Variants in UQCRC2 observed in about 807,000 individuals in gnomAD.
UQCRC2 encodes ubiquinol-cytochrome c reductase core protein 2.
In UQCRC2, 49 loss-of-function variants were observed where a neutral mutation model predicts 55.6. The ratio of observed to expected loss-of-function variants is 0.88; its 90% CI spans 0.70 to 1.12. The LOEUF (loss-of-function observed/expected upper bound fraction) is 1.12. Among genes scored for constraint, UQCRC2 ranks in the 50% most tolerant of loss-of-function variants. UQCRC2 has a pLI of 0.00. For synonymous variants in UQCRC2, 193 were observed against 192.0 expected (o/e 1.01, Z -0.04); for missense variants, 506 against 547.8 (o/e 0.92, Z 0.76).
intron 10 of UQCRC2, 27 bp from the exon 11 acceptor site, chr16:21,973,869 A>T: frequency 6.2e-7 from 1 of 1,605,450 alleles, no homozygotes; most frequent in Non-Finnish European, 8.5e-7. Context: ...GTAGAATATC[A>T]TACAGTAAAG....
At chr16:21,982,330 T>C (rs1898753117) in intron 13 of UQCRC2, among the ~76,000 whole-genome samples, 1 of 152,170 alleles carries the variant, frequency 6.6e-6, no homozygotes, top group Non-Finnish European at 1.5e-5. Flanking sequence ...AACTTGGAAG[T>C]AGTGGCATAA....
intron 8 of UQCRC2, among the ~76,000 whole-genome samples, chr16:21,968,989 G>C (rs998558634): frequency 1.3e-5 from 2 of 152,170 alleles, no homozygotes; most frequent in African/African-American, 4.8e-5. Flanking sequence ...CAGCTTACTA[G>C]AAAAACAGGC....
At chr16:21,982,126 C>T (rs1432049787) in intron 13 of UQCRC2, among the ~76,000 whole-genome samples, 1 of 152,050 alleles carries the variant, frequency 6.6e-6, no homozygotes, top group Non-Finnish European at 1.5e-5. Flanking sequence ...AGGTGTGAAT[C>T]AACGCGCCCA....
intron 1 of UQCRC2, among the ~76,000 whole-genome samples, chr16:21,953,742 A>T (rs1898049607): frequency 6.6e-6 from 1 of 152,110 alleles, no homozygotes; most frequent in Admixed American, 6.5e-5. Flanking sequence ...CCGGTACTCA[A>T]GTGCTGGAGA....
intron 12 of UQCRC2, among the ~76,000 whole-genome samples, chr16:21,979,664 C>G (rs1251476810): frequency 6.6e-6 from 1 of 152,166 alleles, no homozygotes; most frequent in Non-Finnish European, 1.5e-5. Flanking sequence ...TCGAGTGAGT[C>G]AGTGAGTGAG....
intron 6 of UQCRC2, among the ~76,000 whole-genome samples, chr16:21,964,058 A>G (rs1030880769): frequency 2.0e-5 from 3 of 152,164 alleles, no homozygotes; most frequent in African/African-American, 2.4e-5. Flanking sequence ...GGGAGCAGAA[A>G]TGTGCAGGAA....
At position 21,953,400 on chromosome 16, in the gene UQCRC2, C is replaced by T. The variant is rs777862105; in HGVS notation, c.-24C>T. ...TGCTTTCCTTTAATCCGGCAGTGAC[C>T]GTGTGTCAGAACAATCTTGAATCAT... On this transcript the variant is annotated 5_prime_UTR_variant, in exon 1 of 14. Transcript: ENST00000268379. 6.2e-6 allele frequency: 10 copies of T among 1,611,986 alleles called. No homozygotes were observed. Among genetic ancestry groups the T allele is most frequent in the Admixed American group, 1.7e-5 (1 of 59,780 alleles).
intron 13 of UQCRC2, among the ~76,000 whole-genome samples, chr16:21,981,712 G>A (rs1378076405): frequency 6.6e-6 from 1 of 151,814 alleles, no homozygotes; most frequent in African/African-American, 2.4e-5. Flanking sequence ...GCAGCGAGCC[G>A]AGATCATGCC....
In UQCRC2 at chr16:21,964,381, C is replaced by G. The variant is rs190648212; in HGVS notation, c.515-1027C>G. ...TTACGTCTTGAGTCCATCTCCCACA[C>G]GGCCATTACAGTGATCCTTCTGACG... On this transcript the variant is annotated intron_variant, in intron 6 of 13. Transcript: ENST00000268379. Among the ~76,000 whole-genome samples, 651 of 152,220 alleles carry G rather than the reference C, an allele frequency of 4.3e-3. 8 individuals carry two copies. The highest frequency in any genetic ancestry group is 0.015 in the African/African-American group (622 of 41,510).
chr16:21,956,414 T>C (rs527814064), intron 1 of UQCRC2, among the ~76,000 whole-genome samples: 8 of 152,092 alleles, frequency 5.3e-5, no homozygotes, highest in East Asian at 3.9e-4. Flanking sequence ...CGTGGCAGCA[T>C]GTACCTGTAA....
intron 3 of UQCRC2, among the ~76,000 whole-genome samples, 178 bp from the exon 4 acceptor site, chr16:21,958,357 G>A (rs1898126332): frequency 6.6e-6 from 1 of 152,138 alleles, no homozygotes; most frequent in East Asian, 1.9e-4. Context: ...TGTACTTAAT[G>A]TAAAAATGTA....
chr16:21,973,524 T>A (rs1295791654), intron 10 of UQCRC2, among the ~76,000 whole-genome samples: 3 of 152,138 alleles, frequency 2.0e-5, no homozygotes, highest in Non-Finnish European at 4.4e-5. Context: ...GGTGAAAAAG[T>A]CCCTACCAAC....
intron 6 of UQCRC2, among the ~76,000 whole-genome samples, chr16:21,964,787 A>C (rs1441282163): frequency 1.3e-5 from 2 of 152,226 alleles, no homozygotes; most frequent in African/African-American, 4.8e-5. Flanking sequence ...TTAAAATTTG[A>C]GGGCAGGCAT....
rs1429520144 is a variant in UQCRC2, at chr16:21,983,197, A to G, written c.*26A>G. 1.3e-6 allele frequency: 2 copies of G among 1,597,840 alleles called. No individual in the cohort carries two copies. The highest frequency in any genetic ancestry group is 8.6e-7 in the Non-Finnish European group (1 of 1,167,368). ...TACTGATGCACACATTACAGGAGAG[A>G]GCTGAACGTTCTCTCAGCCCAGAGC... On this transcript the variant is annotated 3_prime_UTR_variant, in exon 14 of 14. Transcript: ENST00000268379.
At chr16:21,962,588 A>G in intron 5 of UQCRC2, 72 bp downstream of exon 5, 6 of 1,603,336 alleles carry the variant, frequency 3.7e-6, no homozygotes, top group Admixed American at 1.7e-5. Context: ...GGTCTTTGTA[A>G]TGCGTCATTA....
At chr16:21,976,378 AT>A (rs1898586361) in intron 12 of UQCRC2, 135 bp downstream of exon 12, 3 of 710,028 alleles carry the variant, frequency 4.2e-6, no homozygotes, top group Non-Finnish European at 7.0e-6. Flanking sequence ...AAACATACCC[AT>A]ATCCTACCAC....
At chr16:21,959,848 A>C (rs1597951798) in intron 4 of UQCRC2, 1 of 152,376 alleles carries the variant, frequency 6.6e-6, no homozygotes, top group Non-Finnish European at 1.5e-5. Context: ...GTACATCTGC[A>C]TCAGAGCTCT....
chr16:21,955,810 G>A (rs1249861872), intron 1 of UQCRC2, among the ~76,000 whole-genome samples: 3 of 151,842 alleles, frequency 2.0e-5, no homozygotes, highest in African/African-American at 7.2e-5. Context: ...GAGGAAGTTG[G>A]TATATACTTT....
At chr16:21,962,578 G>C (rs1898229634) in intron 5 of UQCRC2, 62 bp downstream of exon 5, 1 of 1,609,580 alleles carries the variant, frequency 6.2e-7, no homozygotes, top group Non-Finnish European at 8.5e-7. Context: ...GCTCACTTCT[G>C]GTCTTTGTAA....
Sources: gnomAD v4.1 joint callset for allele counts (sites outside exome capture counted in the v4.1 genomes callset) on GRCh38, gnomAD v4.1.1 for gene constraint, MANE v1.5 for transcripts, NCBI Gene and HGNC (gene_info 2026-07-23, HGNC 2026-07-21) for gene names.